ST8SIA6: variants seen among roughly 807,000 people sequenced by gnomAD.
ST8SIA6 encodes the protein alpha-2,8-sialyltransferase 8F.
In ST8SIA6, 39 loss-of-function variants were observed where a neutral mutation model predicts 33.6. The ratio of observed to expected loss-of-function variants is 1.16; its 90% CI spans 0.90 to 1.52. The LOEUF is 1.52. Among genes scored for constraint, ST8SIA6 ranks in the 40% most tolerant of loss-of-function variants. The pLI is 0.00. For missense variants in ST8SIA6, 441 were observed against 443.8 expected, an observed-to-expected ratio of 0.99 and a Z score of 0.06; for synonymous variants, 172 against 167.2, an observed-to-expected ratio of 1.03 and a Z score of -0.22.
In ST8SIA6 at chr10:17,453,573, C is replaced by G; in HGVS notation, c.186G>C (p.Pro62=). Residue 62 remains proline (P), a synonymous_variant, in exon 2 of 8, where the codon CCG becomes CCC. Transcript: ENST00000377602. ...RTLRSPATAV[P]RATNSTYLNE... ...CGCCGCTGTACCTGTTAGTGGCGCG[C>G]GGTACCGCGGTCGCCGGGCTCCGGA... 7.6e-7 allele frequency: 1 copy of G among 1,321,204 alleles called. No individual in the cohort carries two copies. Among genetic ancestry groups the G allele is most frequent in the Non-Finnish European group, 9.7e-7 (1 of 1,027,992 alleles). 81.8% of individuals were successfully genotyped at this position (1,321,204 alleles called of 1,614,324 possible). A position where few individuals can be genotyped will look rare whatever the true frequency, so the allele number is the denominator to read the frequency against.
At chr10:17,440,375 T>C (rs2131734910) in intron 2 of ST8SIA6, among the ~76,000 whole-genome samples, 1 of 152,032 alleles carries the variant, frequency 6.6e-6, no homozygotes, top group African/African-American at 2.4e-5. Flanking sequence ...CCTGCTAATT[T>C]TTGTATTTTT....
chr10:17,388,285 G>A (rs1850454296), intron 3 of ST8SIA6, among the ~76,000 whole-genome samples: 1 of 152,194 alleles, frequency 6.6e-6, no homozygotes. Flanking sequence ...CAGGACCTCA[G>A]CCAGAGATCA....
intron 3 of ST8SIA6, among the ~76,000 whole-genome samples, chr10:17,388,167 C>T (rs1385247021): frequency 6.6e-6 from 1 of 152,200 alleles, no homozygotes; most frequent in African/African-American, 2.4e-5. Flanking sequence ...CAGCAGGAAA[C>T]TTTAAATTGT....
rs752835626 is a variant in ST8SIA6, at chr10:17,323,156, A to C, written c.637T>G (p.Cys213Gly). 2 of 1,612,018 alleles carry C rather than the reference A, an allele frequency of 1.2e-6. No homozygotes were observed. Among genetic ancestry groups the C allele is most frequent in the African/African-American group, 2.7e-5 (2 of 74,760 alleles). The change falls in exon 7 of 8, where the codon TGT (cysteine) becomes GGT (glycine). Residue 213 changes from cysteine to glycine, a missense_variant and splice_region_variant. Physicochemically the swap from Cys to Gly is radical, Grantham distance 159. Transcript: ENST00000377602. ...TCTCCTGTGGTTGGGGGTAGGTTAC[A>C]CCTGAAATTTGAAAAGAAAATCATT... ...EIDKSDFVFR[C>G]NLPPTTGDVS... is the part of the protein sequence containing the mutation.
chr10:17,355,550 T>C (rs1454482060), intron 4 of ST8SIA6, among the ~76,000 whole-genome samples: 2 of 152,212 alleles, frequency 1.3e-5, no homozygotes, highest in African/African-American at 2.4e-5. Context: ...CTACCGTTGA[T>C]GTTGTAGTTG....
chr10:17,443,768 A>T (rs189080932), intron 2 of ST8SIA6, among the ~76,000 whole-genome samples: 2 of 152,354 alleles, frequency 1.3e-5, no homozygotes, highest in East Asian at 3.9e-4. Flanking sequence ...AGCAATGATC[A>T]TCTTCCTAAT....
chr10:17,380,767 G>C (rs539630388), intron 3 of ST8SIA6, among the ~76,000 whole-genome samples: 1 of 150,466 alleles, frequency 6.6e-6, no homozygotes, highest in Non-Finnish European at 1.5e-5. Context: ...ATGTTTGTGT[G>C]TATGTGTTCA....
chr10:17,316,688 T>G lies in ST8SIA6; in HGVS notation c.*4190A>C, dbSNP rs1420775857. On this transcript the variant is annotated 3_prime_UTR_variant, in exon 8 of 8. Coordinates refer to ENST00000377602, the MANE Select transcript of ST8SIA6 (RefSeq NM_001004470.3). Reference sequence around the variant, plus strand: ...CAATGGATGTAGTATCTCACTTTCATTTGCATTTCTCAGGTTACTGGTAAA... The same window carrying G: ...CAATGGATGTAGTATCTCACTTTCAGTTGCATTTCTCAGGTTACTGGTAAA... 6.6e-6 allele frequency among the ~76,000 whole-genome samples: 1 copy of G among 152,152 alleles called. No homozygotes were observed. The highest frequency in any genetic ancestry group is 1.9e-4 in the East Asian group (1 of 5,200).
In ST8SIA6 at chr10:17,318,162, T is replaced by C. The variant is rs1309077843; in HGVS notation, c.*2716A>G. On this transcript the variant is annotated 3_prime_UTR_variant, in exon 8 of 8. Coordinates refer to ENST00000377602, the MANE Select transcript of ST8SIA6 (RefSeq NM_001004470.3). ...AGAATCCAGCAAGCTAGTATTTCTC[T>C]TAGAAACTGGTAGTATGCAGCGTTA... Among the ~76,000 whole-genome samples the C allele has an allele frequency of 6.6e-6, 1 of 152,180 alleles. No individual in the cohort carries two copies. The highest frequency in any genetic ancestry group is 1.5e-5 in the Non-Finnish European group (1 of 68,020).
intron 2 of ST8SIA6, among the ~76,000 whole-genome samples, chr10:17,404,734 C>T (rs1851188211): frequency 6.6e-6 from 1 of 152,100 alleles, no homozygotes; most frequent in Non-Finnish European, 1.5e-5. Context: ...CTATAAATCC[C>T]CACCTTTCCT....
intron 2 of ST8SIA6, among the ~76,000 whole-genome samples, chr10:17,420,635 T>TCTA (rs1193173621): frequency 5.3e-5 from 8 of 152,128 alleles, no homozygotes; most frequent in African/African-American, 1.9e-4. Flanking sequence ...ACCCAGGCCC[T>TCTA]CTACTTTCAT....
chr10:17,352,358 A>C (rs1849061926), intron 4 of ST8SIA6, among the ~76,000 whole-genome samples: 1 of 152,172 alleles, frequency 6.6e-6, no homozygotes, highest in Non-Finnish European at 1.5e-5. Flanking sequence ...AGGTAAAATG[A>C]AATATAAAAG....
intron 3 of ST8SIA6, among the ~76,000 whole-genome samples, chr10:17,380,613 G>A (rs1251039518): frequency 6.6e-6 from 1 of 152,168 alleles, no homozygotes; most frequent in East Asian, 1.9e-4. Flanking sequence ...AAAGAGCAAT[G>A]GCTGTACTTC....
At chr10:17,330,018 G>A (rs145865534) in intron 5 of ST8SIA6, among the ~76,000 whole-genome samples, 106 of 152,176 alleles carry the variant, frequency 7.0e-4, no homozygotes, top group African/African-American at 2.3e-3. Flanking sequence ...AAAGCAACGT[G>A]GGAAAGAGGA....
At chr10:17,402,418 C>G (rs1851080194) in intron 2 of ST8SIA6, among the ~76,000 whole-genome samples, 2 of 152,296 alleles carry the variant, frequency 1.3e-5, no homozygotes, top group South Asian at 4.1e-4. Flanking sequence ...ACCCAGCCAT[C>G]CCATTACTGG....
intron 2 of ST8SIA6, among the ~76,000 whole-genome samples, chr10:17,416,681 C>T (rs935194662): frequency 6.6e-6 from 1 of 152,178 alleles, no homozygotes; most frequent in Non-Finnish European, 1.5e-5. Context: ...TCTATTGCCT[C>T]ATTCAAGGCA....
intron 2 of ST8SIA6, among the ~76,000 whole-genome samples, chr10:17,414,506 G>C (rs1851546349): frequency 6.6e-6 from 1 of 152,128 alleles, no homozygotes; most frequent in Non-Finnish European, 1.5e-5. Context: ...GTCTTAGTCA[G>C]CTTGGGCTGC....
chr10:17,434,482 G>A (rs1428843616), intron 2 of ST8SIA6, among the ~76,000 whole-genome samples: 1 of 152,202 alleles, frequency 6.6e-6, no homozygotes, highest in African/African-American at 2.4e-5. Context: ...TTGACTGTGT[G>A]CTAAGAGTCA....
At chr10:17,431,469 T>G (rs1852099687) in intron 2 of ST8SIA6, among the ~76,000 whole-genome samples, 1 of 151,956 alleles carries the variant, frequency 6.6e-6, no homozygotes, top group Admixed American at 6.6e-5. Context: ...GGGGAAAGGG[T>G]GTGACTGTAA....
Sources: allele counts gnomAD v4.1 joint callset (sites outside exome capture counted in the v4.1 genomes callset), GRCh38; gene constraint gnomAD v4.1.1; transcripts MANE v1.5; gene names NCBI Gene and HGNC (gene_info 2026-07-23, HGNC 2026-07-21).